TOX2: variants seen among roughly 807,000 people sequenced by gnomAD.
TOX2 encodes the protein TOX high mobility group box family member 2.
TOX2 carries 15 observed loss-of-function variants against 47.4 expected under a neutral mutation model. The ratio of observed to expected loss-of-function variants is 0.32; its 90% CI spans 0.21 to 0.49. The LOEUF (loss-of-function observed/expected upper bound fraction) is 0.49, where lower values mean the gene tolerates loss of function less well. Among genes scored for constraint, TOX2 ranks in the 20% least tolerant of loss-of-function variants. The pLI is 0.99. For synonymous variants in TOX2, 290 were observed against 296.6 expected, an observed-to-expected ratio of 0.98 and a Z score of 0.23; for missense variants, 622 against 673.1, an observed-to-expected ratio of 0.92 and a Z score of 0.84.
At chr20:43,987,831 C>G (rs757515006) in intron 2 of TOX2, among the ~76,000 whole-genome samples, 1 of 151,454 alleles carries the variant, frequency 6.6e-6, no homozygotes, top group Non-Finnish European at 1.5e-5. Context: ...TTCCCCAGAT[C>G]TGCTCAGCTC....
chr20:44,010,691 C>T (rs1023996534), intron 3 of TOX2, among the ~76,000 whole-genome samples: 3 of 152,086 alleles, frequency 2.0e-5, no homozygotes, highest in Admixed American at 1.3e-4. Flanking sequence ...TTTCAAGCAC[C>T]GTGCAGAGGG....
chr20:43,981,680 A>C (rs1269751985), intron 2 of TOX2, among the ~76,000 whole-genome samples: 2 of 152,226 alleles, frequency 1.3e-5, no homozygotes, highest in Non-Finnish European at 2.9e-5. Context: ...AGTTAGCTCA[A>C]ACACTTCTGA....
chr20:44,053,551 C>CACACAT (rs67044400), intron 4 of TOX2, among the ~76,000 whole-genome samples: 4 of 75,344 alleles, frequency 5.3e-5, no homozygotes, highest in African/African-American at 7.2e-5. Flanking sequence ...TATATATATA[C>CACACAT]ATATATACTA....
At chr20:43,950,338 C>T (rs1295362560) in intron 1 of TOX2, among the ~76,000 whole-genome samples, 3 of 152,228 alleles carry the variant, frequency 2.0e-5, no homozygotes, top group Non-Finnish European at 4.4e-5. Flanking sequence ...CTCTGCAGCC[C>T]TCTCGCCTGC....
intron 3 of TOX2, among the ~76,000 whole-genome samples, chr20:44,036,291 T>A (rs561583646): frequency 6.6e-6 from 1 of 152,228 alleles, no homozygotes; most frequent in African/African-American, 2.4e-5. Flanking sequence ...GCACACTGAG[T>A]AGGTGTTCAC....
At chr20:44,024,778 GATAATATATACA>G (rs36128450) in intron 3 of TOX2, among the ~76,000 whole-genome samples, 4,102 of 152,000 alleles carry the variant, frequency 0.027, 212 homozygotes, top group African/African-American at 0.094. Context: ...TATACACAAA[GATAATATATACA>G]ATAATATATA....
intron 3 of TOX2, among the ~76,000 whole-genome samples, chr20:44,017,626 AT>A (rs1462873156): frequency 6.6e-6 from 1 of 152,206 alleles, no homozygotes; most frequent in Non-Finnish European, 1.5e-5. Flanking sequence ...TCCTAAAGGA[AT>A]GGGTGAATTA....
chr20:44,064,023 G>A (rs181986404), intron 5 of TOX2, among the ~76,000 whole-genome samples: 3 of 152,294 alleles, frequency 2.0e-5, no homozygotes, highest in Non-Finnish European at 4.4e-5. Context: ...GGTAGTGAAG[G>A]ATAAAAGACT....
chr20:44,068,487 G>A (rs1179009345), intron 8 of TOX2, among the ~76,000 whole-genome samples, 163 bp from the exon 9 acceptor site: 2 of 150,744 alleles, frequency 1.3e-5, no homozygotes, highest in Non-Finnish European at 3.0e-5. Flanking sequence ...GCTTGGTGTA[G>A]AGGTGGGTGG....
chr20:43,919,184 T>C (rs888994432), intron 1 of TOX2, among the ~76,000 whole-genome samples: 1 of 152,226 alleles, frequency 6.6e-6, no homozygotes, highest in African/African-American at 2.4e-5. Context: ...TCCATCATTC[T>C]ACCAAAAATA....
intron 6 of TOX2, 41 bp downstream of exon 6, chr20:44,064,898 G>T: frequency 6.3e-7 from 1 of 1,594,720 alleles, no homozygotes; most frequent in Non-Finnish European, 8.6e-7. Flanking sequence ...GATCAGAGTG[G>T]GGCCACTTGA....
intron 4 of TOX2, among the ~76,000 whole-genome samples, chr20:44,052,592 G>T (rs1426310508): frequency 6.6e-6 from 1 of 152,152 alleles, no homozygotes; most frequent in South Asian, 2.1e-4. Flanking sequence ...TGCAGGAACG[G>T]TTTTTATTTA....
At chr20:43,923,845 C>T (rs151129774) in intron 1 of TOX2, among the ~76,000 whole-genome samples, 3 of 152,296 alleles carry the variant, frequency 2.0e-5, no homozygotes, top group African/African-American at 7.2e-5. Context: ...CAGGAGGAAA[C>T]GTGCTTGGGC....
chr20:43,927,109 A>AG (rs1256302495), intron 1 of TOX2, among the ~76,000 whole-genome samples: 3 of 152,216 alleles, frequency 2.0e-5, no homozygotes, highest in Non-Finnish European at 2.9e-5. Context: ...CTCTGCATCT[A>AG]GGAAAACCCA....
intron 3 of TOX2, among the ~76,000 whole-genome samples, chr20:44,013,996 G>A (rs2070827705): frequency 6.6e-6 from 1 of 151,988 alleles, no homozygotes; most frequent in Admixed American, 6.6e-5. Flanking sequence ...TGGGCATAGT[G>A]GCTTGCGCCT....
chr20:44,011,149 C>T (rs1052963434), intron 3 of TOX2, among the ~76,000 whole-genome samples: 1 of 152,174 alleles, frequency 6.6e-6, no homozygotes, highest in Non-Finnish European at 1.5e-5. Flanking sequence ...GGAAAATCTC[C>T]CATCTCAAGA....
chr20:44,031,816 G>A (rs1234742964), intron 3 of TOX2, among the ~76,000 whole-genome samples: 1 of 152,086 alleles, frequency 6.6e-6, no homozygotes, highest in Non-Finnish European at 1.5e-5. Context: ...GAAGGGAGGG[G>A]GAGGTTGGTG....
At chr20:44,003,876 G>T (rs2070631823) in intron 2 of TOX2, among the ~76,000 whole-genome samples, 1 of 152,122 alleles carries the variant, frequency 6.6e-6, no homozygotes, top group East Asian at 1.9e-4. Flanking sequence ...CTGGGACTGT[G>T]GACTTCATCC....
intron 2 of TOX2, among the ~76,000 whole-genome samples, chr20:44,000,507 T>A (rs979573677): frequency 5.9e-5 from 9 of 152,064 alleles, no homozygotes; most frequent in Non-Finnish European, 1.3e-4. Context: ...TGTGTTAAGT[T>A]GTTTGAGGTA....
Sources: allele counts gnomAD v4.1 joint callset (sites outside exome capture counted in the v4.1 genomes callset), GRCh38; gene constraint gnomAD v4.1.1; transcripts MANE v1.5; gene names NCBI Gene and HGNC (gene_info 2026-07-23, HGNC 2026-07-21).